MIA2: variants seen among roughly 807,000 people sequenced by gnomAD.
The protein encoded by MIA2 is melanoma inhibitory activity protein 2.
Under a neutral mutation model 167.8 loss-of-function variants are expected in MIA2, and 127 were observed. The observed-to-expected ratio is 0.76, with a 90% CI of 0.66 to 0.88. The LOEUF (loss-of-function observed/expected upper bound fraction) is 0.88, where lower values mean the gene tolerates loss of function less well. Among genes scored for constraint, MIA2 ranks in the 40% least tolerant of loss-of-function variants. The pLI, the probability that MIA2 is intolerant of heterozygous loss-of-function variation, is 0.00. For synonymous variants in MIA2, 552 were observed against 541.9 expected, an observed-to-expected ratio of 1.02 and a Z score of -0.26; for missense variants, 1,690 against 1,624.7, an observed-to-expected ratio of 1.04 and a Z score of -0.69.
At chr14:39,275,625 G>A (rs878915215) in intron 6 of MIA2, among the ~76,000 whole-genome samples, 3 of 152,326 alleles carry the variant, frequency 2.0e-5, no homozygotes, top group Admixed American at 6.5e-5. Context: ...GTTAGTGTGC[G>A]TCTTATGTGT....
chr14:39,243,909 G>A (rs1206018622), intron 3 of MIA2, among the ~76,000 whole-genome samples: 1 of 152,150 alleles, frequency 6.6e-6, no homozygotes, highest in East Asian at 1.9e-4. Flanking sequence ...AGATACAGAG[G>A]AAACTGTCCA....
chr14:39,296,144 T>G (rs1013516331), intron 13 of MIA2, among the ~76,000 whole-genome samples: 1 of 152,198 alleles, frequency 6.6e-6, no homozygotes, highest in Non-Finnish European at 1.5e-5. Context: ...AGGTTCCTCT[T>G]GTCTTTCTCC....
At position 39,304,307 on chromosome 14, in the gene MIA2, A is replaced by G; in HGVS notation, c.2804A>G (p.Lys935Arg). 1 of 1,512,854 alleles carries G rather than the reference A, an allele frequency of 6.6e-7. No homozygotes were observed. The highest frequency in any genetic ancestry group is 9.0e-7 in the Non-Finnish European group (1 of 1,110,258). 93.7% of individuals were successfully genotyped at this position (1,512,854 alleles called of 1,614,324 possible). Residue 935 changes from lysine (K) to arginine (R), a missense_variant, in exon 17 of 29, where the codon AAA becomes AGA. Lys to Arg is a conservative substitution (Grantham distance 26). Transcript: ENST00000640607. ...IHAAKLNASLKTLEGERNQIY... is the reference protein window; with the variant it reads ...IHAAKLNASLRTLEGERNQIY... ...TCTTTAAAGTTAAATGCTTCTTTAAAAACCTTAGAAGGAGAAAGAAACCAA... is the reference window on the plus strand; with the variant it reads ...TCTTTAAAGTTAAATGCTTCTTTAAGAACCTTAGAAGGAGAAAGAAACCAA...
At chr14:39,357,881 CGCA>C (rs2074571204) in intron 23 of MIA2, among the ~76,000 whole-genome samples, 1 of 84,158 alleles carries the variant, frequency 1.2e-5, no homozygotes, top group Non-Finnish European at 2.1e-5. Flanking sequence ...AATATTGGCC[CGCA>C]CTCTCTTCTG....
At chr14:39,278,051 G>T (rs144427470) in intron 7 of MIA2, among the ~76,000 whole-genome samples, 1 of 151,698 alleles carries the variant, frequency 6.6e-6, no homozygotes, top group Non-Finnish European at 1.5e-5. Context: ...TCGGCTCACT[G>T]CAATCTCTGC....
chr14:39,351,444 T>C (rs1040796991), downstream of MIA2: 2 of 151,710 alleles, frequency 1.3e-5, no homozygotes, highest in African/African-American at 4.8e-5. Flanking sequence ...GGTTAAAATA[T>C]TAAGTAAAAT....
At chr14:39,303,959 G>A (rs2062926198) in intron 16 of MIA2, among the ~76,000 whole-genome samples, 4 of 151,868 alleles carry the variant, frequency 2.6e-5, no homozygotes, top group Admixed American at 2.0e-4. Flanking sequence ...TGATCTATGT[G>A]AAGTCTTGGT....
chr14:39,267,263 G>A, intron 6 of MIA2: 1 of 1,423,346 alleles, frequency 7.0e-7, no homozygotes, highest in Non-Finnish European at 9.2e-7. Flanking sequence ...AAGAGGGTCG[G>A]GATGGGCAGC....
intron 4 of MIA2, among the ~76,000 whole-genome samples, chr14:39,248,756 T>C (rs79716905): frequency 1.3e-5 from 2 of 152,088 alleles, no homozygotes; most frequent in East Asian, 1.9e-4. Context: ...TTTTTTTTTT[T>C]CCAGACAGGG....
chr14:39,370,517 G>T, intron 23 of MIA2: 1 of 293,912 alleles, frequency 3.4e-6, no homozygotes. Context: ...TTGTAGGCCA[G>T]ATTGTCATGG....
intron 2 of MIA2, among the ~76,000 whole-genome samples, chr14:39,238,748 T>C (rs1944854260): frequency 7.9e-6 from 1 of 126,428 alleles, no homozygotes; most frequent in Non-Finnish European, 1.6e-5. Flanking sequence ...GAACCATGAT[T>C]GTACCACTGC....
At chr14:39,376,274 A>T (rs1449026526) in intron 23 of MIA2, among the ~76,000 whole-genome samples, 5 of 152,168 alleles carry the variant, frequency 3.3e-5, no homozygotes, top group African/African-American at 1.2e-4. Context: ...ACATTTCTTT[A>T]TCTATAAAGT....
intron 18 of MIA2, among the ~76,000 whole-genome samples, chr14:39,311,125 A>G (rs2064162251): frequency 6.6e-6 from 1 of 152,160 alleles, no homozygotes; most frequent in South Asian, 2.1e-4. Flanking sequence ...AAGGATAGGA[A>G]ACTGAGTAGT....
intron 23 of MIA2, among the ~76,000 whole-genome samples, chr14:39,362,893 C>G (rs1261030638): frequency 2.0e-5 from 3 of 152,120 alleles, no homozygotes; most frequent in African/African-American, 7.2e-5. Flanking sequence ...TCACTTGTTT[C>G]AAGAAAACTT....
At position 39,350,260 on chromosome 14, in the gene MIA2, C is replaced by G; in HGVS notation, c.4235C>G (p.Thr1412Ser). Residue 1412 changes from threonine (T) to serine (S), a missense_variant, in exon 29 of 29, where the codon ACC becomes AGC. Transcript: ENST00000640607. Reference sequence around the variant, plus strand: ...GAACATCCAGAACCACAGCAAGAAACCTGACAATATTTTTGCTCTCTTCAA... The same window carrying G: ...GAACATCCAGAACCACAGCAAGAAAGCTGACAATATTTTTGCTCTCTTCAA... ...ATEHPEPQQET is the reference protein window; with the variant it reads ...ATEHPEPQQES 1 of 1,447,790 alleles carries G rather than the reference C, an allele frequency of 6.9e-7. No homozygotes were observed. The highest frequency in any genetic ancestry group is 1.5e-5 in the African/African-American group (1 of 67,470). 89.7% of individuals were successfully genotyped at this position (1,447,790 alleles called of 1,614,324 possible). A position where few individuals can be genotyped will look rare whatever the true frequency, so the allele number is the denominator to read the frequency against.
intron 6 of MIA2, among the ~76,000 whole-genome samples, chr14:39,257,206 T>C (rs2054857106): frequency 6.6e-6 from 1 of 152,180 alleles, no homozygotes; most frequent in African/African-American, 2.4e-5. Context: ...CCCAGTATTA[T>C]TGTGTGGGAG....
At chr14:39,328,265 T>C (rs1163110564) in intron 25 of MIA2, among the ~76,000 whole-genome samples, 3 of 152,236 alleles carry the variant, frequency 2.0e-5, no homozygotes, top group African/African-American at 4.8e-5. Context: ...CATAAATGTC[T>C]TCTTTTGAGA....
intron 25 of MIA2, among the ~76,000 whole-genome samples, chr14:39,327,642 C>T (rs1035769750): frequency 9.9e-5 from 15 of 152,076 alleles, no homozygotes; most frequent in African/African-American, 1.9e-4. Context: ...AGAGAGGCCC[C>T]GGTGTGTGAT....
chr14:39,293,449 A>C, intron 11 of MIA2, 68 bp downstream of exon 11: 1 of 1,065,502 alleles, frequency 9.4e-7, no homozygotes, highest in Non-Finnish European at 1.4e-6. Flanking sequence ...AATTAATATG[A>C]TACTGGTTAA....
Sources: gnomAD v4.1 joint callset for allele counts (sites outside exome capture counted in the v4.1 genomes callset) on GRCh38, gnomAD v4.1.1 for gene constraint, MANE v1.5 for transcripts, NCBI Gene and HGNC (gene_info 2026-07-23, HGNC 2026-07-21) for gene names.